Variants in EML6 observed in about 807,000 individuals in gnomAD.
EML6 encodes the protein echinoderm microtubule-associated protein-like 6.
Under a neutral mutation model 240.1 loss-of-function variants are expected in EML6, and 154 were observed. The ratio of observed to expected loss-of-function variants is 0.64; its 90% confidence interval spans 0.56 to 0.73. EML6 has a LOEUF of 0.73. EML6 is among the 30% of genes least tolerant of loss of function. The pLI, the probability that EML6 is intolerant of heterozygous loss-of-function variation, is 0.00. For synonymous variants in EML6, 1,148 were observed against 899.0 expected (o/e 1.28, Z -4.95); for missense variants, 2,964 against 2,474.6 (o/e 1.20, Z -4.20).
intron 19 of EML6, among the ~76,000 whole-genome samples, chr2:54,892,957 A>G (rs1345076729): frequency 6.6e-6 from 1 of 152,228 alleles, no homozygotes; most frequent in Non-Finnish European, 1.5e-5. Flanking sequence ...TAGCAGCAGA[A>G]GAGTCCTGAG....
Position 54,827,679 on chromosome 2 carries a change from T to C in EML6, c.639T>C (p.Ser213=). Reference sequence around the variant, plus strand: ...GTGCCAAAGAAGACATCACCTACTCTGGTGCTTTAAATGGTGACATCTATG... The same window carrying C: ...GTGCCAAAGAAGACATCACCTACTCCGGTGCTTTAAATGGTGACATCTATG... ...LACAKEDITY[S]GALNGDIYVW... Residue 213 remains serine (S), a synonymous_variant, in exon 6 of 42, where the codon TCT becomes TCC. Coordinates refer to ENST00000356458, the MANE Select transcript of EML6 (RefSeq NM_001039753.4). 2 of 1,551,654 alleles carry C rather than the reference T, an allele frequency of 1.3e-6. No individual in the cohort carries two copies. The highest frequency in any genetic ancestry group is 1.7e-6 in the Non-Finnish European group (2 of 1,146,900).
chr2:54,802,732 T>G (rs1271796387), intron 2 of EML6, among the ~76,000 whole-genome samples: 1 of 152,082 alleles, frequency 6.6e-6, no homozygotes, highest in African/African-American at 2.4e-5. Flanking sequence ...CATGTTACTT[T>G]ACTTATGGCT....
intron 16 of EML6, among the ~76,000 whole-genome samples, chr2:54,878,957 C>G (rs1291035578): frequency 6.6e-6 from 1 of 152,060 alleles, no homozygotes; most frequent in Non-Finnish European, 1.5e-5. Flanking sequence ...TCTAAATTTC[C>G]TATAACAAGT....
At chr2:54,878,754 A>G (rs1671654711) in intron 16 of EML6, among the ~76,000 whole-genome samples, 1 of 152,192 alleles carries the variant, frequency 6.6e-6, no homozygotes, top group Non-Finnish European at 1.5e-5. Context: ...CCACTTTTCT[A>G]AACAATTATA....
chr2:54,935,365 G>T (rs1441162958), intron 28 of EML6, among the ~76,000 whole-genome samples: 1 of 152,178 alleles, frequency 6.6e-6, no homozygotes, highest in Non-Finnish European at 1.5e-5. Flanking sequence ...ATGGAAAGTG[G>T]TGATTATCAC....
chr2:54,746,086 A>G (rs1303877291), intron 2 of EML6, among the ~76,000 whole-genome samples: 2 of 152,242 alleles, frequency 1.3e-5, no homozygotes, highest in African/African-American at 4.8e-5. Flanking sequence ...AGGGAAGAAC[A>G]ATTTCATTCC....
intron 2 of EML6, among the ~76,000 whole-genome samples, chr2:54,782,913 C>T (rs562361224): frequency 7.4e-4 from 113 of 152,220 alleles, no homozygotes; most frequent in East Asian, 1.5e-3. Flanking sequence ...AGGTTAGCAC[C>T]TAATTTAGGG....
Position 54,871,573 on chromosome 2 carries a change from A to G in EML6, c.2312A>G (p.His771Arg). Residue 771 changes from histidine (H) to arginine (R), a missense_variant, in exon 16 of 42, where the codon CAT becomes CGT. Coordinates refer to ENST00000356458, the MANE Select transcript of EML6 (RefSeq NM_001039753.4). ...TGTTTGTCGCTGTTGAAAGGACAAC[A>G]TCAGAGAGGAGTGTGTGCACTTGAT... is the stretch of plus-strand genomic sequence containing the variant. ...LKCLSLLKGQ[H>R]QRGVCALDFS... The G allele has an allele frequency of 2.6e-6, 4 of 1,551,704 alleles. No individual in the cohort carries two copies. Among genetic ancestry groups the G allele is most frequent in the Non-Finnish European group, 3.5e-6 (4 of 1,146,914 alleles).
At chr2:54,865,412 G>A (rs1476313440) in intron 13 of EML6, among the ~76,000 whole-genome samples, 7 of 151,956 alleles carry the variant, frequency 4.6e-5, no homozygotes, top group Non-Finnish European at 8.8e-5. Context: ...AGGAGATTGA[G>A]GGCTACAAGC....
chr2:54,812,115 G>A (rs1399611018), intron 2 of EML6, among the ~76,000 whole-genome samples: 3 of 152,138 alleles, frequency 2.0e-5, no homozygotes, highest in Middle Eastern at 3.2e-3. Context: ...TTTGTATTCA[G>A]TGTTCGCTCT....
At chr2:54,932,866 C>T (rs1308503920) in intron 28 of EML6, among the ~76,000 whole-genome samples, 1 of 152,130 alleles carries the variant, frequency 6.6e-6, no homozygotes, top group Non-Finnish European at 1.5e-5. Flanking sequence ...CAAAGTCACA[C>T]CTAGCTTACA....
intron 26 of EML6, among the ~76,000 whole-genome samples, chr2:54,923,184 A>G (rs540190754): frequency 6.6e-6 from 1 of 152,146 alleles, no homozygotes; most frequent in African/African-American, 2.4e-5. Flanking sequence ...CAGCTGATCC[A>G]TCCACCTCAG....
intron 9 of EML6, among the ~76,000 whole-genome samples, chr2:54,848,523 C>G (rs1470050973): frequency 2.6e-4 from 1 of 3,912 alleles, no homozygotes; most frequent in African/African-American, 6.5e-4. Flanking sequence ...AGCTTCCACA[C>G]TACACACACA....
intron 2 of EML6, among the ~76,000 whole-genome samples, chr2:54,752,189 T>C (rs1181027160): frequency 2.0e-5 from 3 of 152,182 alleles, no homozygotes; most frequent in Admixed American, 6.5e-5. Flanking sequence ...TTACTTTTTT[T>C]CCACCATTAT....
chr2:54,950,835 C>T (rs1318842901), intron 30 of EML6, 56 bp downstream of exon 30: 5 of 1,515,136 alleles, frequency 3.3e-6, no homozygotes, highest in Non-Finnish European at 4.4e-6. Context: ...TACATGCTTT[C>T]CCCACTCTTT....
At chr2:54,917,279 A>G (rs991520349) in intron 26 of EML6, among the ~76,000 whole-genome samples, 2 of 151,372 alleles carry the variant, frequency 1.3e-5, no homozygotes, top group Middle Eastern at 3.2e-3. Context: ...CAGCACCCCA[A>G]CTGATTTTTA....
intron 2 of EML6, among the ~76,000 whole-genome samples, chr2:54,779,460 C>T (rs1021195119): frequency 1.3e-5 from 2 of 149,928 alleles, no homozygotes; most frequent in African/African-American, 2.5e-5. Context: ...GCAGGAGAAT[C>T]GCTTGAACTC....
At chr2:54,886,334 T>G (rs1672139502) in intron 17 of EML6, among the ~76,000 whole-genome samples, 1 of 151,574 alleles carries the variant, frequency 6.6e-6, no homozygotes, top group Admixed American at 6.6e-5. Flanking sequence ...CCTGGCTAAT[T>G]TTTTGTATTT....
Position 54,725,952 on chromosome 2 carries a change from G to T in EML6, c.197+694G>T, listed in dbSNP as rs886902377. Among the ~76,000 whole-genome samples, 2 of 151,942 alleles carry T rather than the reference G, an allele frequency of 1.3e-5. No individual in the cohort carries two copies. The highest frequency in any genetic ancestry group is 4.8e-5 in the African/African-American group (2 of 41,434). ...GCTAGCGGATGGCCCAAGACTGACT[G>T]ACAGGAGAGCTCATTTGGATGAATG... is the stretch of plus-strand genomic sequence containing the variant. On this transcript the variant is annotated intron_variant, in intron 2 of 41. Transcript: ENST00000356458. The surrounding 1 kb of genome is among the most constrained non-coding windows in gnomAD (Gnocchi z 4.3).
Sources: gnomAD v4.1 joint callset for allele counts (sites outside exome capture counted in the v4.1 genomes callset) on GRCh38, gnomAD v4.1.1 for gene constraint, Gnocchi (gnomAD v3.1) non-coding constraint, MANE v1.5 for transcripts, NCBI Gene and HGNC (gene_info 2026-07-23, HGNC 2026-07-21) for gene names.